Variants in SORCS1 observed in about 807,000 individuals in gnomAD.
The protein encoded by SORCS1 is sortilin related VPS10 domain containing receptor 1.
Under a neutral mutation model 146.1 loss-of-function variants are expected in SORCS1, and 60 were observed. The observed-to-expected ratio is 0.41, with a 90% CI of 0.33 to 0.51. SORCS1 has a LOEUF of 0.51. SORCS1 is among the 20% of genes least tolerant of loss of function. The probability of loss-of-function intolerance (pLI) is 0.21; values close to 1 mark genes in which losing one functional copy is unlikely to be tolerated. For synonymous variants in SORCS1, 637 were observed against 584.0 expected (o/e 1.09, Z -1.31); for missense variants, 1,352 against 1,487.6 (o/e 0.91, Z 1.50).
intron 24 of SORCS1, among the ~76,000 whole-genome samples, chr10:106,586,059 T>C (rs979336224): frequency 2.0e-5 from 3 of 152,214 alleles, no homozygotes; most frequent in Admixed American, 2.0e-4. Context: ...AGGTGGTTTG[T>C]TACATAGCAA....
chr10:106,891,001 T>C (rs1286450731), intron 2 of SORCS1, among the ~76,000 whole-genome samples: 2 of 152,138 alleles, frequency 1.3e-5, no homozygotes, highest in East Asian at 1.9e-4. Flanking sequence ...ATTCCTCTAG[T>C]AGTATTTATG....
In SORCS1 at chr10:107,107,732, C is replaced by T. The variant is rs1332618150; in HGVS notation, c.558+56237G>A. Among the ~76,000 whole-genome samples, 3 of 152,296 alleles carry T rather than the reference C, an allele frequency of 2.0e-5. No homozygotes were observed. The East Asian group carries it at 5.8e-4, about 29-fold the overall frequency. ...TTCAGTAGGGCCATTTTGAGAGGGC[C>T]AACTCATGCCCAGATGGCAGACTTG... On this transcript the variant is annotated intron_variant, in intron 1 of 25. Coordinates refer to ENST00000263054, the MANE Select transcript of SORCS1 (RefSeq NM_052918.5).
chr10:106,911,857 G>A (rs569383734), intron 2 of SORCS1, among the ~76,000 whole-genome samples: 8 of 152,012 alleles, frequency 5.3e-5, no homozygotes, highest in East Asian at 1.9e-4. Context: ...TCACGCCTGT[G>A]ATCCCAGAAC....
rs964561777 is a variant in SORCS1, at chr10:106,826,118, G to A, written c.726+3456C>T. Among the ~76,000 whole-genome samples, 3 of 152,234 alleles carry A rather than the reference G, an allele frequency of 2.0e-5. No individual in the cohort carries two copies. In the East Asian group the frequency reaches 5.8e-4, roughly 29 times the overall value. On this transcript the variant is annotated intron_variant, in intron 3 of 25. Transcript: ENST00000263054. ...TACCCCTAACAAGCTGCCTGCAAAG[G>A]CAAGGCATGAAGCCTGCTGTTTCCA...
intron 2 of SORCS1, among the ~76,000 whole-genome samples, chr10:106,905,780 A>G (rs1235435186): frequency 6.6e-6 from 1 of 152,178 alleles, no homozygotes; most frequent in East Asian, 1.9e-4. Context: ...GCCTGTATGC[A>G]TTTGTATGTA....
At chr10:106,747,091 A>C (rs966118817) in intron 5 of SORCS1, among the ~76,000 whole-genome samples, 18 of 152,242 alleles carry the variant, frequency 1.2e-4, no homozygotes, top group Admixed American at 6.5e-5. Flanking sequence ...TAGCTGCCTT[A>C]AACTTCAGCA....
At chr10:106,923,182 T>C (rs1309992741) in intron 2 of SORCS1, among the ~76,000 whole-genome samples, 3 of 152,302 alleles carry the variant, frequency 2.0e-5, no homozygotes, top group Non-Finnish European at 4.4e-5. Flanking sequence ...AGCCACCAGG[T>C]CCGGCCAACC....
chr10:107,030,718 G>C (rs1052973427), intron 1 of SORCS1, among the ~76,000 whole-genome samples: 1 of 152,118 alleles, frequency 6.6e-6, no homozygotes, highest in Admixed American at 6.5e-5. Flanking sequence ...TTTAAAGGCA[G>C]GCCTCATTTT....
chr10:106,698,478 G>A (rs995999526), intron 9 of SORCS1, among the ~76,000 whole-genome samples: 2 of 152,082 alleles, frequency 1.3e-5, no homozygotes, highest in African/African-American at 2.4e-5. Flanking sequence ...TAAGAGTAAC[G>A]AATGGCTAAA....
intron 21 of SORCS1, among the ~76,000 whole-genome samples, chr10:106,613,514 TA>T (rs1392143872): frequency 6.6e-6 from 1 of 152,098 alleles, no homozygotes; most frequent in Non-Finnish European, 1.5e-5. Flanking sequence ...ATTGGCAGGG[TA>T]AGTCCCTGGA....
At chr10:106,912,915 C>T (rs1411623628) in intron 2 of SORCS1, among the ~76,000 whole-genome samples, 3 of 151,900 alleles carry the variant, frequency 2.0e-5, no homozygotes, top group South Asian at 2.1e-4. Flanking sequence ...CTCCAGACCT[C>T]GTGATCCACC....
chr10:106,593,128 CAAAAA>C (rs1211788882), intron 24 of SORCS1, among the ~76,000 whole-genome samples: 1 of 80,752 alleles, frequency 1.2e-5, no homozygotes. Context: ...GACCCCATCT[CAAAAA>C]AAAAAAAAAA....
In SORCS1 at chr10:106,791,654, G is replaced by A. The variant is rs573046644; in HGVS notation, c.727-14962C>T. Reference sequence around the variant, plus strand: ...GCATAGGTTGCAGTGAGCTGAGATCGGGCCACTGCACTCCAGCCTGGCGAC... The same window carrying A: ...GCATAGGTTGCAGTGAGCTGAGATCAGGCCACTGCACTCCAGCCTGGCGAC... On this transcript the variant is annotated intron_variant, in intron 3 of 25. Transcript: ENST00000263054. Among the ~76,000 whole-genome samples, 20 of 152,178 alleles carry A rather than the reference G, an allele frequency of 1.3e-4. No individual in the cohort carries two copies. In the East Asian group the frequency reaches 1.9e-3, roughly 15 times the overall value.
chr10:106,611,902 T>A lies in SORCS1; in HGVS notation c.3033+9A>T. 1 of 1,596,934 alleles carries A rather than the reference T, an allele frequency of 6.3e-7. No homozygotes were observed. The highest frequency in any genetic ancestry group is 2.2e-5 in the East Asian group (1 of 44,756). On this transcript the variant is annotated intron_variant, in intron 22 of 25. Transcript: ENST00000263054. ...TACCCGGGCAAGAGAAGAAACTGTG[T>A]GCACTCACTTCCACCAGGGATTTTT...
intron 3 of SORCS1, among the ~76,000 whole-genome samples, chr10:106,825,618 A>C: frequency 6.7e-6 from 1 of 149,870 alleles, no homozygotes. Flanking sequence ...TCTTCCCATC[A>C]CCTTCTGCAT....
intron 18 of SORCS1, among the ~76,000 whole-genome samples, chr10:106,651,188 A>G (rs1849834939): frequency 6.6e-6 from 1 of 152,200 alleles, no homozygotes; most frequent in Non-Finnish European, 1.5e-5. Context: ...CGTTTGAGCT[A>G]GATTTCAAAC....
chr10:106,772,658 A>G (rs1162255885), intron 4 of SORCS1, among the ~76,000 whole-genome samples: 2 of 152,190 alleles, frequency 1.3e-5, no homozygotes, highest in African/African-American at 4.8e-5. Context: ...GGCCATACAC[A>G]TTCTTCCCTG....
intron 1 of SORCS1, among the ~76,000 whole-genome samples, chr10:107,008,115 G>C (rs778504265): frequency 8.5e-6 from 1 of 117,564 alleles, no homozygotes; most frequent in African/African-American, 1.0e-4. Flanking sequence ...TTCAAAATGA[G>C]AGGGCAGTTT....
chr10:107,177,275 GC>G, the SORCS1 span, among the ~76,000 whole-genome samples: 1 of 152,006 alleles, frequency 6.6e-6, no homozygotes, highest in African/African-American at 2.4e-5. Flanking sequence ...TATAAATTCA[GC>G]TTTTTATTTT....
Sources: gnomAD v4.1 joint callset for allele counts (sites outside exome capture counted in the v4.1 genomes callset) on GRCh38, gnomAD v4.1.1 for gene constraint, MANE v1.5 for transcripts, NCBI Gene and HGNC (gene_info 2026-07-23, HGNC 2026-07-21) for gene names.